Variants in POR observed in about 807,000 individuals in gnomAD.
POR encodes the protein cytochrome p450 oxidoreductase, also known as NADPH--cytochrome P450 reductase.
Under a neutral mutation model 84.0 loss-of-function variants are expected in POR, and 56 were observed. The observed-to-expected ratio is 0.67, with a 90% CI of 0.54 to 0.83. The LOEUF is 0.83. POR is among the 40% of genes least tolerant of loss of function. POR has a pLI of 0.00. For synonymous variants in POR, 414 were observed against 400.5 expected (o/e 1.03, Z -0.40); for missense variants, 938 against 944.3 (o/e 0.99, Z 0.09).
intron 2 of POR, 92 bp downstream of exon 2, chr7:75,954,272 A>C: frequency 7.5e-7 from 1 of 1,334,336 alleles, no homozygotes; most frequent in Non-Finnish European, 1.0e-6. Context: ...TGAAAGAAGC[A>C]AGGCTCCTTG....
At chr7:75,956,490 C>G (rs1347496755) in intron 2 of POR, among the ~76,000 whole-genome samples, 1 of 152,194 alleles carries the variant, frequency 6.6e-6, no homozygotes, top group Non-Finnish European at 1.5e-5. Context: ...TGGGCGAGAC[C>G]TTAACCTCAT....
At chr7:75,926,771 C>A (rs1157862926) in intron 1 of POR, among the ~76,000 whole-genome samples, 2 of 152,094 alleles carry the variant, frequency 1.3e-5, no homozygotes, top group East Asian at 3.9e-4. Context: ...TCCATCCAGC[C>A]TGGGCAACAA....
intron 1 of POR, among the ~76,000 whole-genome samples, chr7:75,947,932 A>G (rs1411030115): frequency 1.3e-5 from 2 of 152,080 alleles, no homozygotes; most frequent in Non-Finnish European, 2.9e-5. Context: ...TTCTTAACCC[A>G]GGGGCTCATT....
At chr7:75,922,319 GTTTTTTTTTTT>G (rs1223302280) in intron 1 of POR, among the ~76,000 whole-genome samples, 1 of 125,660 alleles carries the variant, frequency 8.0e-6, no homozygotes, top group Non-Finnish European at 1.7e-5. Context: ...CTGATCTGTA[GTTTTTTTTTTT>G]TTTTTTTTTG....
intron 1 of POR, among the ~76,000 whole-genome samples, chr7:75,942,953 C>CTT (rs1236331124): frequency 5.7e-5 from 8 of 140,934 alleles, no homozygotes; most frequent in African/African-American, 1.6e-4. Context: ...TTTTCTTTTT[C>CTT]TTTTTTTTTT....
intron 1 of POR, among the ~76,000 whole-genome samples, chr7:75,953,338 G>A (rs1787537719): frequency 1.7e-5 from 2 of 116,384 alleles, no homozygotes; most frequent in Admixed American, 2.0e-4. Flanking sequence ...GGAGGGGGAG[G>A]GACCAGACTT....
chr7:75,965,129 G>C (rs1004670406), intron 2 of POR, among the ~76,000 whole-genome samples: 1 of 152,190 alleles, frequency 6.6e-6, no homozygotes, highest in Non-Finnish European at 1.5e-5. Context: ...CCCATGAAGC[G>C]CCATTTGGAG....
intron 1 of POR, among the ~76,000 whole-genome samples, chr7:75,925,369 T>G (rs1397213034): frequency 2.0e-5 from 3 of 151,994 alleles, no homozygotes; most frequent in Non-Finnish European, 4.4e-5. Context: ...AATACACATT[T>G]AAAATATTAG....
At chr7:75,951,277 C>T (rs975795726) in intron 1 of POR, among the ~76,000 whole-genome samples, 23 of 151,640 alleles carry the variant, frequency 1.5e-4, no homozygotes, top group Non-Finnish European at 3.2e-4. Context: ...ACCCGTAGTC[C>T]CAGGTACCCT....
intron 1 of POR, among the ~76,000 whole-genome samples, chr7:75,924,535 T>G (rs1807027136): frequency 6.6e-6 from 1 of 152,136 alleles, no homozygotes; most frequent in Non-Finnish European, 1.5e-5. Context: ...ATTAGTGTTT[T>G]TAAACATCAG....
chr7:75,956,035 C>T (rs1048171309), intron 2 of POR, among the ~76,000 whole-genome samples: 2 of 152,122 alleles, frequency 1.3e-5, no homozygotes, highest in South Asian at 2.1e-4. Context: ...CAGCGGCTCA[C>T]GTCTGTAATT....
At chr7:75,982,918 C>A (rs1228077959) in intron 8 of POR, among the ~76,000 whole-genome samples, 1 of 152,200 alleles carries the variant, frequency 6.6e-6, no homozygotes, top group Non-Finnish European at 1.5e-5. Flanking sequence ...CATTTGGGGA[C>A]CAGCCACCTT....
intron 2 of POR, among the ~76,000 whole-genome samples, chr7:75,969,689 C>T (rs1256001414): frequency 6.6e-6 from 1 of 152,200 alleles, no homozygotes; most frequent in Non-Finnish European, 1.5e-5. Context: ...GGTCAGACCT[C>T]AGAGGTGGCT....
chr7:75,960,816 G>A (rs534908756), intron 2 of POR, among the ~76,000 whole-genome samples: 14 of 152,268 alleles, frequency 9.2e-5, no homozygotes, highest in Admixed American at 3.9e-4. Context: ...GAGAATGGCC[G>A]TTGAATTAAC....
chr7:75,920,926 G>A (rs1005236469), intron 1 of POR, among the ~76,000 whole-genome samples: 1 of 152,168 alleles, frequency 6.6e-6, no homozygotes, highest in Non-Finnish European at 1.5e-5. Context: ...GGAATGTTCC[G>A]TCAGGTATTT....
At chr7:75,938,051 C>G (rs959279407) in intron 1 of POR, among the ~76,000 whole-genome samples, 7 of 152,178 alleles carry the variant, frequency 4.6e-5, no homozygotes, top group Non-Finnish European at 5.9e-5. Context: ...CTGGTCAGTT[C>G]GATTTGTGCT....
At chr7:75,980,530 G>T (rs72555505) in intron 5 of POR, 42 bp downstream of exon 5, 111 of 1,612,472 alleles carry the variant, frequency 6.9e-5, no homozygotes, top group Middle Eastern at 6.6e-4. Flanking sequence ...GGTGGCCTGC[G>T]GTGCCTCCCT....
intron 6 of POR, 46 bp downstream of exon 6, chr7:75,981,218 A>G: frequency 6.7e-7 from 1 of 1,490,826 alleles, no homozygotes; most frequent in Non-Finnish European, 9.0e-7. Flanking sequence ...GGGCTTAGGC[A>G]GGGGCCGTGG....
chr7:75,926,757 G>T lies in POR; in HGVS notation c.-5+11578G>T, dbSNP rs376531331. On this transcript the variant is annotated intron_variant, in intron 1 of 15. Transcript: ENST00000461988. ...TGCAGTGAGCTGAGGTTGCGCCATT[G>T]CATTCCATCCAGCCTGGGCAACAAG... Among the ~76,000 whole-genome samples, 3 of 152,246 alleles carry T rather than the reference G, an allele frequency of 2.0e-5. No individual in the cohort carries two copies. In the South Asian group the frequency reaches 6.2e-4, roughly 32 times the overall value.
Sources: allele counts gnomAD v4.1 joint callset (sites outside exome capture counted in the v4.1 genomes callset), GRCh38; gene constraint gnomAD v4.1.1; transcripts MANE v1.5; gene names NCBI Gene and HGNC (gene_info 2026-07-23, HGNC 2026-07-21).